The following ACVR1B variants were observed in gnomAD, a reference collection of about 807,000 sequenced individuals.
ACVR1B encodes activin receptor type-1B.
Under a neutral mutation model 55.6 loss-of-function variants are expected in ACVR1B, and 15 were observed. That is an observed-to-expected ratio of 0.27 (90% CI 0.18 to 0.42). ACVR1B has a LOEUF of 0.42. Among genes scored for constraint, ACVR1B ranks in the 10% least tolerant of loss-of-function variants. The pLI, the probability that ACVR1B is intolerant of heterozygous loss-of-function variation, is 1.00. For synonymous variants in ACVR1B, 247 were observed against 254.6 expected, an observed-to-expected ratio of 0.97 and a Z score of 0.28; for missense variants, 359 against 670.1, an observed-to-expected ratio of 0.54 and a Z score of 5.13.
rs1401090990 is a variant in ACVR1B at position 51,996,061 on chromosome 12, G to A, written c.*1951G>A. ...TTGAGACCAGAAGGTTTCATAATTG[G>A]TTCTACGACCCTTTTGAGCCTAGAA... On this transcript the variant is annotated 3_prime_UTR_variant, in exon 9 of 9. Coordinates refer to ENST00000257963, the MANE Select transcript of ACVR1B (RefSeq NM_004302.5). 6.6e-6 allele frequency: 1 copy of A among 152,160 alleles called. No individual in the cohort carries two copies. The highest frequency in any genetic ancestry group is 1.5e-5 in the Non-Finnish European group (1 of 68,028). The allele number at this position is 152,160 out of a possible 1,614,324, so 9.4% of individuals were successfully genotyped here. A position where few individuals can be genotyped will look rare whatever the true frequency, so the allele number is the denominator to read the frequency against.
intron 1 of ACVR1B, among the ~76,000 whole-genome samples, chr12:51,965,038 CT>C (rs1941613588): frequency 6.6e-6 from 1 of 151,990 alleles, no homozygotes; most frequent in Admixed American, 6.6e-5. Context: ...ATTGTATTGA[CT>C]CTCATCTGAT....
intron 3 of ACVR1B, 126 bp from the exon 4 acceptor site, chr12:51,980,843 T>G: frequency 5.4e-6 from 4 of 744,822 alleles, no homozygotes; most frequent in Non-Finnish European, 8.6e-6. Flanking sequence ...CAGCTCTCCA[T>G]GGTTAATGGA....
intron 6 of ACVR1B, 42 bp downstream of exon 6, chr12:51,985,390 C>T (rs1307702192): frequency 6.3e-7 from 1 of 1,574,946 alleles, no homozygotes; most frequent in Non-Finnish European, 8.6e-7. Context: ...GCAGCTTCTA[C>T]TGAGTATCCC....
At chr12:51,982,180 A>C (rs2120672313) in intron 4 of ACVR1B, among the ~76,000 whole-genome samples, 1 of 152,324 alleles carries the variant, frequency 6.6e-6, no homozygotes, top group Non-Finnish European at 1.5e-5. Context: ...GTTGAGACAA[A>C]GGTGGCAAGA....
intron 7 of ACVR1B, among the ~76,000 whole-genome samples, chr12:51,991,229 T>C (rs1442153080): frequency 2.6e-5 from 4 of 152,244 alleles, no homozygotes; most frequent in Non-Finnish European, 5.9e-5. Flanking sequence ...ACTTTAAAAA[T>C]ATTTGTTTCC....
chr12:51,959,399 T>C (rs1941474365), intron 1 of ACVR1B, among the ~76,000 whole-genome samples: 1 of 152,244 alleles, frequency 6.6e-6, no homozygotes, highest in Admixed American at 6.5e-5. Flanking sequence ...AGGCAAACTC[T>C]AGGAGCTGAG....
intron 1 of ACVR1B, among the ~76,000 whole-genome samples, chr12:51,957,177 G>A (rs150257735): frequency 0.031 from 4,683 of 152,202 alleles, 98 homozygotes; most frequent in Middle Eastern, 0.051. Flanking sequence ...GCCAGGCACA[G>A]TGGCTCACGC....
intron 7 of ACVR1B, among the ~76,000 whole-genome samples, chr12:51,988,422 C>G (rs536510663): frequency 1.3e-3 from 198 of 152,284 alleles, no homozygotes; most frequent in Middle Eastern, 3.4e-3. Flanking sequence ...GAGCCAAGAT[C>G]GAGCCACTGC....
intron 2 of ACVR1B, 65 bp from the exon 3 acceptor site, chr12:51,976,262 G>GTGTTTTTACTCTTTCCCT (rs1192040992): frequency 1.1e-5 from 18 of 1,582,240 alleles, no homozygotes; most frequent in Non-Finnish European, 1.6e-5. Flanking sequence ...TTTGAGGGGG[G>GTGTTTTTACTCTTTCCCT]TGTTTTTACT....
intron 4 of ACVR1B, among the ~76,000 whole-genome samples, chr12:51,982,116 A>G (rs1367792803): frequency 1.3e-5 from 2 of 152,206 alleles, no homozygotes; most frequent in Non-Finnish European, 2.9e-5. Context: ...TAGAGGAGGT[A>G]AACACGAGTT....
At chr12:51,984,197 G>A (rs571398848) in intron 5 of ACVR1B, 31 bp downstream of exon 5, 12 of 1,612,808 alleles carry the variant, frequency 7.4e-6, no homozygotes, top group Non-Finnish European at 9.3e-6. Flanking sequence ...GCGGCGAAGT[G>A]GTGTAGGCAT....
chr12:51,985,128 ATAG>A, intron 5 of ACVR1B, 61 bp from the exon 6 acceptor site: 2 of 1,509,116 alleles, frequency 1.3e-6, no homozygotes, highest in Non-Finnish European at 1.8e-6. Context: ...GTCTGGCTGC[ATAG>A]TCTATGCTTT....
At chr12:51,971,099 G>A (rs1941739147) in intron 1 of ACVR1B, among the ~76,000 whole-genome samples, 1 of 152,070 alleles carries the variant, frequency 6.6e-6, no homozygotes, top group African/African-American at 2.4e-5. Flanking sequence ...TTCTTAGCTG[G>A]GCCATGGTGT....
Position 51,951,816 on chromosome 12 carries a change from G to A in ACVR1B, c.73G>A (p.Gly25Arg), listed in dbSNP as rs2120383018. 7.8e-7 allele frequency: 1 copy of A among 1,276,076 alleles called. No individual in the cohort carries two copies. The highest frequency in any genetic ancestry group is 3.6e-5 in the South Asian group (1 of 27,668). The allele number at this position is 1,276,076 out of a possible 1,614,324, so 79.0% of individuals were successfully genotyped here. Residue 25 changes from glycine (G) to arginine (R), a missense_variant, in exon 1 of 9, where the codon GGG becomes AGG. Gly to Arg is a moderately radical substitution (Grantham distance 125). Around this residue, in one of 5 missense-constraint regions of ACVR1B, gnomAD observed 48 missense variants for 40.6 expected, o/e 1.18. Transcript: ENST00000257963. ...VLLLAGSGGSGPRGVQALLCA... is the reference protein window; with the variant it reads ...VLLLAGSGGSRPRGVQALLCA... Reference sequence around the variant, plus strand: ...CCTGCTCGCCGGCAGCGGCGGGTCCGGGCCCCGGGGGGTCCAGGGTGAGTC... The same window carrying A: ...CCTGCTCGCCGGCAGCGGCGGGTCCAGGCCCCGGGGGGTCCAGGGTGAGTC...
chr12:51,973,628 C>CT (rs1941790127), intron 1 of ACVR1B, among the ~76,000 whole-genome samples: 1 of 152,174 alleles, frequency 6.6e-6, no homozygotes, highest in African/African-American at 2.4e-5. Context: ...GAGAAATTTA[C>CT]TTTTAAAAAT....
chr12:51,961,328 C>T (rs1307168921), intron 1 of ACVR1B, among the ~76,000 whole-genome samples: 10 of 152,198 alleles, frequency 6.6e-5, no homozygotes. Context: ...TTTCCATCCT[C>T]TCAGTAAAAT....
intron 1 of ACVR1B, among the ~76,000 whole-genome samples, chr12:51,970,731 A>C (rs1370457820): frequency 6.6e-6 from 1 of 152,132 alleles, no homozygotes; most frequent in Non-Finnish European, 1.5e-5. Flanking sequence ...GTTTATGATC[A>C]AGTCATAAAA....
In ACVR1B at chr12:51,994,812, C is replaced by G. The variant is rs151225207; in HGVS notation, c.*702C>G. 7.7e-4 allele frequency: 118 copies of G among 153,272 alleles called. 4 individuals are homozygous for G. The East Asian group carries it at 0.019, about 24-fold the overall frequency. The allele number at this position is 153,272 out of a possible 1,614,324, so 9.5% of individuals were successfully genotyped here. A position where few individuals can be genotyped will look rare whatever the true frequency, so the allele number is the denominator to read the frequency against. The stretch of plus-strand genomic sequence containing the variant: ...GTCGGGGGTGTGGTCGTCATGCTGT[C>G]CGTGCTTGCTGGTGCCTCTTTTCAG... On this transcript the variant is annotated 3_prime_UTR_variant, in exon 9 of 9. Transcript: ENST00000257963. This position sits in a 1 kb window ranked among gnomAD's most constrained non-coding sequence, Gnocchi z 4.2.
At chr12:51,984,233 G>T in intron 5 of ACVR1B, 67 bp downstream of exon 5, 1 of 1,560,080 alleles carries the variant, frequency 6.4e-7, no homozygotes, top group Admixed American at 1.8e-5. Flanking sequence ...TCCTGATTTA[G>T]TTCCTAGAAT....
Sources: allele counts gnomAD v4.1 joint callset (sites outside exome capture counted in the v4.1 genomes callset), GRCh38; gene constraint gnomAD v4.1.1; regional missense constraint gnomAD v4.1.1; non-coding constraint Gnocchi (gnomAD v3.1); transcripts MANE v1.5; gene names NCBI Gene and HGNC (gene_info 2026-07-23, HGNC 2026-07-21).